GRID2: variants seen among roughly 807,000 people sequenced by gnomAD.
The protein encoded by GRID2 is glutamate ionotropic receptor delta type subunit 2, also known as glutamate receptor ionotropic, delta-2.
A neutral mutation model predicts 114.8 loss-of-function variants in GRID2; 33 were observed. The observed-to-expected ratio is 0.29, with a 90% confidence interval of 0.22 to 0.38. The LOEUF is 0.38. Ranked by LOEUF, GRID2 falls within the 10% of genes least tolerant of loss-of-function variation. The pLI is 1.00. For missense variants in GRID2, 1,184 were observed against 1,257.7 expected (o/e 0.94, Z 0.89); for synonymous variants, 505 against 449.9 (o/e 1.12, Z -1.55).
At chr4:93,062,055 A>G (rs1172240674) in intron 2 of GRID2, among the ~76,000 whole-genome samples, 1 of 152,124 alleles carries the variant, frequency 6.6e-6, no homozygotes, top group Non-Finnish European at 1.5e-5. Context: ...TAAGGTGGAC[A>G]TTGACCCCTC....
intron 12 of GRID2, among the ~76,000 whole-genome samples, chr4:93,504,341 G>T (rs1252116487): frequency 1.3e-5 from 2 of 151,922 alleles, no homozygotes; most frequent in Non-Finnish European, 2.9e-5. Flanking sequence ...GCCTTGGAGG[G>T]TATATTGAAT....
intron 2 of GRID2, among the ~76,000 whole-genome samples, chr4:92,932,744 A>G (rs1296026014): frequency 1.3e-5 from 2 of 151,360 alleles, no homozygotes; most frequent in Non-Finnish European, 3.0e-5. Flanking sequence ...AGCAACAAAA[A>G]CGAATGCAGG....
intron 1 of GRID2, among the ~76,000 whole-genome samples, chr4:92,307,563 A>G (rs1049992453): frequency 6.6e-6 from 1 of 152,260 alleles, no homozygotes; most frequent in East Asian, 1.9e-4. Context: ...CGGTAGTTTA[A>G]TAAGGTCAAT....
chr4:93,024,825 C>T (rs1723736547), intron 2 of GRID2, among the ~76,000 whole-genome samples: 1 of 151,668 alleles, frequency 6.6e-6, no homozygotes, highest in Non-Finnish European at 1.5e-5. Flanking sequence ...ATAAAGATTA[C>T]ATTAACATGG....
At chr4:93,325,977 A>G (rs1429060090) in intron 8 of GRID2, among the ~76,000 whole-genome samples, 2 of 152,174 alleles carry the variant, frequency 1.3e-5, no homozygotes, top group Non-Finnish European at 2.9e-5. Flanking sequence ...GGAGGAGGTC[A>G]TGATTAACTG....
At chr4:92,903,631 G>A (rs1747744398) in intron 2 of GRID2, among the ~76,000 whole-genome samples, 1 of 151,750 alleles carries the variant, frequency 6.6e-6, no homozygotes, top group Non-Finnish European at 1.5e-5. Flanking sequence ...TCTGGCTCTT[G>A]GGATTTTTAA....
At chr4:92,658,793 GTA>G (rs201480396) in intron 2 of GRID2, among the ~76,000 whole-genome samples, 62,068 of 130,762 alleles carry the variant, frequency 0.47, 15,751 homozygotes, top group Non-Finnish European at 0.51. Flanking sequence ...GTGTGTGTGT[GTA>G]TATATATATA....
At chr4:93,420,002 C>T (rs1298097332) in intron 9 of GRID2, among the ~76,000 whole-genome samples, 2 of 152,124 alleles carry the variant, frequency 1.3e-5, no homozygotes, top group East Asian at 3.9e-4. Context: ...GAGTGTTATT[C>T]AACTTCCTGG....
chr4:93,314,223 A>G (rs528134859), intron 8 of GRID2, among the ~76,000 whole-genome samples: 1 of 145,682 alleles, frequency 6.9e-6, no homozygotes, highest in African/African-American at 2.5e-5. Context: ...GATAATTGCT[A>G]GAACCTGGGA....
At chr4:92,597,232 G>A (rs1245109224) in intron 2 of GRID2, among the ~76,000 whole-genome samples, 2 of 152,070 alleles carry the variant, frequency 1.3e-5, no homozygotes, top group Non-Finnish European at 1.5e-5. Flanking sequence ...TCTTAAAGAA[G>A]GTTATTACTT....
intron 14 of GRID2, among the ~76,000 whole-genome samples, chr4:93,657,208 T>C (rs1379979988): frequency 1.3e-5 from 2 of 152,206 alleles, no homozygotes; most frequent in Non-Finnish European, 2.9e-5. Flanking sequence ...ACAGTATTTC[T>C]TTATAAATCT....
chr4:93,109,459 G>C (rs979501019), intron 3 of GRID2, among the ~76,000 whole-genome samples: 1 of 152,164 alleles, frequency 6.6e-6, no homozygotes, highest in African/African-American at 2.4e-5. Context: ...ATGTTTATAA[G>C]AGTAAATGTA....
At chr4:92,687,428 T>A (rs1008606635) in intron 2 of GRID2, among the ~76,000 whole-genome samples, 1 of 152,186 alleles carries the variant, frequency 6.6e-6, no homozygotes, top group African/African-American at 2.4e-5. Context: ...ATTCACACAC[T>A]GTTTTTAGCT....
At chr4:93,411,758 A>T (rs1767157987) in intron 9 of GRID2, among the ~76,000 whole-genome samples, 1 of 151,970 alleles carries the variant, frequency 6.6e-6, no homozygotes, top group Non-Finnish European at 1.5e-5. Flanking sequence ...AACAGATGTG[A>T]TCAGTAGATT....
intron 2 of GRID2, among the ~76,000 whole-genome samples, chr4:92,993,061 G>A (rs552784662): frequency 2.0e-5 from 3 of 152,086 alleles, no homozygotes; most frequent in South Asian, 4.1e-4. Context: ...ATTAAATGCA[G>A]CATTTGTGTA....
In GRID2 at chr4:92,808,627, C is replaced by A. The variant is rs139113476; in HGVS notation, c.244+218341C>A. Among the ~76,000 whole-genome samples, 10 of 151,950 alleles carry A rather than the reference C, an allele frequency of 6.6e-5. No homozygotes were observed. The East Asian group carries it at 1.9e-3, about 30-fold the overall frequency. On this transcript the variant is annotated intron_variant, in intron 2 of 15. Transcript: ENST00000282020. Reference sequence around the variant, plus strand: ...TAGAGCTTAAGTTTATAAACAGGACCAGAGAACTGAACAACTGAATAAACA... The same window carrying A: ...TAGAGCTTAAGTTTATAAACAGGACAAGAGAACTGAACAACTGAATAAACA...
chr4:93,444,955 T>G (rs529214804), intron 10 of GRID2, among the ~76,000 whole-genome samples: 1 of 151,998 alleles, frequency 6.6e-6, no homozygotes, highest in East Asian at 1.9e-4. Flanking sequence ...TCTCCTTTCT[T>G]AGTAATACAG....
chr4:92,386,193 A>G (rs1339168235), intron 1 of GRID2, among the ~76,000 whole-genome samples: 1 of 151,670 alleles, frequency 6.6e-6, no homozygotes, highest in Non-Finnish European at 1.5e-5. Flanking sequence ...AAAGCTAATT[A>G]GGAGACACAT....
intron 2 of GRID2, among the ~76,000 whole-genome samples, chr4:92,976,867 T>C (rs765723891): frequency 1.3e-5 from 2 of 152,176 alleles, no homozygotes; most frequent in Non-Finnish European, 2.9e-5. Flanking sequence ...TTATTCATTA[T>C]CTTTATGAAA....
Sources: allele counts gnomAD v4.1 joint callset (sites outside exome capture counted in the v4.1 genomes callset), GRCh38; gene constraint gnomAD v4.1.1; transcripts MANE v1.5; gene names NCBI Gene and HGNC (gene_info 2026-07-23, HGNC 2026-07-21).